The following SH3TC2 variants were observed in gnomAD, a reference collection of about 807,000 sequenced individuals.
SH3TC2 encodes the protein SH3 domain and tetratricopeptide repeats 2.
A neutral mutation model predicts 124.5 loss-of-function variants in SH3TC2; 87 were observed. The ratio of observed to expected loss-of-function variants is 0.70; its 90% CI spans 0.59 to 0.84. SH3TC2 has a LOEUF of 0.84. Among genes scored for constraint, SH3TC2 ranks in the 40% least tolerant of loss-of-function variants. SH3TC2 has a pLI of 0.00. For missense variants in SH3TC2, 1,536 were observed against 1,566.4 expected, an observed-to-expected ratio of 0.98 and a Z score of 0.33; for synonymous variants, 634 against 628.5, an observed-to-expected ratio of 1.01 and a Z score of -0.13.
intron 12 of SH3TC2, among the ~76,000 whole-genome samples, chr5:149,013,007 C>T (rs1203372697): frequency 1.3e-5 from 2 of 152,172 alleles, no homozygotes; most frequent in African/African-American, 4.8e-5. Context: ...TGAGATACAA[C>T]TAAGTGCTTA....
At chr5:149,039,622 G>T (rs1169429210) in intron 7 of SH3TC2, among the ~76,000 whole-genome samples, 2 of 152,230 alleles carry the variant, frequency 1.3e-5, no homozygotes, top group Non-Finnish European at 2.9e-5. Context: ...TGTGCAAAGT[G>T]ATTTATGGAT....
In SH3TC2 at chr5:148,984,623, G is replaced by A. The variant is rs1753303987; in HGVS notation, c.*20088C>T. Among the ~76,000 whole-genome samples, 8 of 152,154 alleles carry A rather than the reference G, an allele frequency of 5.3e-5. No individual in the cohort carries two copies. The South Asian group carries it at 1.7e-3, about 32-fold the overall frequency. On this transcript the variant is annotated 3_prime_UTR_variant, in exon 17 of 17. Transcript: ENST00000515425. ...AGGCAATGCTTCATATATCTCCAAG[G>A]TTGGTCTTTCAGGTTGGCATATAGG...
chr5:148,986,082 C>T lies in SH3TC2; in HGVS notation c.*18629G>A, dbSNP rs936184277. ...ATTAGTTCAACTTCTTTAAGTAAGG[C>T]TGTTTTGATCCAATTATAATCAATT... On this transcript the variant is annotated 3_prime_UTR_variant, in exon 17 of 17. Transcript: ENST00000515425. Among the ~76,000 whole-genome samples the T allele has an allele frequency of 2.6e-5, 4 of 152,140 alleles. No homozygotes were observed. The highest frequency in any genetic ancestry group is 5.9e-5 in the Non-Finnish European group (4 of 68,014).
At position 149,003,003 on chromosome 5, in the gene SH3TC2, T is replaced by C. The variant is rs10058190; in HGVS notation, c.*1708A>G. ...TCCAGAGATTCTGATTCAGAGATCA[T>C]AGGTGGGGCCACAGATTTTCATTTC... On this transcript the variant is annotated 3_prime_UTR_variant, in exon 17 of 17. Coordinates refer to ENST00000515425, the MANE Select transcript of SH3TC2 (RefSeq NM_024577.4). The C allele has an allele frequency of 6.1e-4, 94 of 152,958 alleles. No individual in the cohort carries two copies. The highest frequency in any genetic ancestry group is 2.1e-3 in the African/African-American group (89 of 41,578). The allele number at this position is 152,958 out of a possible 1,614,324, so 9.5% of individuals were successfully genotyped here.
chr5:149,019,459 A>G (rs1178010156), intron 12 of SH3TC2, among the ~76,000 whole-genome samples: 1 of 152,160 alleles, frequency 6.6e-6, no homozygotes, highest in East Asian at 1.9e-4. Context: ...CTTCCATTCA[A>G]TATCACTTAT....
chr5:149,039,920 T>A (rs1424698538), intron 7 of SH3TC2, among the ~76,000 whole-genome samples: 1 of 152,182 alleles, frequency 6.6e-6, no homozygotes, highest in Admixed American at 6.5e-5. Flanking sequence ...TCAGCACTTA[T>A]AAAATTGTAC....
At chr5:149,006,821 G>T in intron 16 of SH3TC2, 60 bp downstream of exon 16, 2 of 1,538,678 alleles carry the variant, frequency 1.3e-6, no homozygotes, top group Non-Finnish European at 1.8e-6. Context: ...TTGTCTTTGA[G>T]TCAGGAAGGA....
intron 12 of SH3TC2, among the ~76,000 whole-genome samples, chr5:149,021,548 G>T (rs573764999): frequency 6.6e-6 from 1 of 151,900 alleles, no homozygotes; most frequent in African/African-American, 2.4e-5. Flanking sequence ...AATAAAAAGA[G>T]AGAAGAGTCT....
intron 9 of SH3TC2, among the ~76,000 whole-genome samples, chr5:149,030,763 G>A (rs1009548636): frequency 6.6e-6 from 1 of 152,224 alleles, no homozygotes; most frequent in Non-Finnish European, 1.5e-5. Flanking sequence ...ATAAAATATG[G>A]ATCATCTAAT....
Position 149,044,559 on chromosome 5 carries a change from C to A in SH3TC2, c.359G>T (p.Trp120Leu), listed in dbSNP as rs763075325. 3.7e-6 allele frequency: 6 copies of A among 1,613,906 alleles called. No individual in the cohort carries two copies. The highest frequency in any genetic ancestry group is 5.1e-6 in the Non-Finnish European group (6 of 1,179,892). Residue 120 changes from tryptophan to leucine, a missense_variant, in exon 4 of 17, where the codon TGG (tryptophan) becomes TTG (leucine). By Grantham distance (61) the Trp-to-Leu change is moderately conservative. Around this residue, in one of 3 missense-constraint regions of SH3TC2, gnomAD observed 1,102 missense variants for 1,098.6 expected, o/e 1.00. Transcript: ENST00000515425. ...LITFKTMEEI[W>L]KFSTYLNLGY... Reference sequence around the variant, plus strand: ...TAAATTAAGGTAGGTGGAGAACTTCCAGATTTCCTCCATGGTCTTGAAGGT... The same window carrying A: ...TAAATTAAGGTAGGTGGAGAACTTCAAGATTTCCTCCATGGTCTTGAAGGT...
chr5:149,015,654 A>G (rs1753859063), intron 12 of SH3TC2, among the ~76,000 whole-genome samples: 1 of 152,124 alleles, frequency 6.6e-6, no homozygotes, highest in Non-Finnish European at 1.5e-5. Context: ...CCCTGCCTGA[A>G]CATCAGCCAT....
chr5:149,000,203 C>A lies in SH3TC2; in HGVS notation c.*4508G>T, dbSNP rs1753575605. ...TATCATTTGCCCCTTTCCTGTCACC[C>A]AGCTGAATCCCCACTTCCCTGAAAT... is the stretch of plus-strand genomic sequence containing the variant. On this transcript the variant is annotated 3_prime_UTR_variant, in exon 17 of 17. Coordinates refer to ENST00000515425, the MANE Select transcript of SH3TC2 (RefSeq NM_024577.4). 6.6e-6 allele frequency among the ~76,000 whole-genome samples: 1 copy of A among 152,174 alleles called. No homozygotes were observed. The highest frequency in any genetic ancestry group is 2.1e-4 in the South Asian group (1 of 4,832).
chr5:148,994,521 A>T lies in SH3TC2; in HGVS notation c.*10190T>A, dbSNP rs1014828509. Among the ~76,000 whole-genome samples the T allele has an allele frequency of 6.6e-6, 1 of 152,072 alleles. No homozygotes were observed. The highest frequency in any genetic ancestry group is 1.9e-4 in the East Asian group (1 of 5,194). On this transcript the variant is annotated 3_prime_UTR_variant, in exon 17 of 17. Transcript: ENST00000515425. Reference sequence around the variant, plus strand: ...TCATTATCTTGCTCACTGGATTGTGAGTTTAGCACATGAGAGGTGTTGAAT... The same window carrying T: ...TCATTATCTTGCTCACTGGATTGTGTGTTTAGCACATGAGAGGTGTTGAAT...
intron 15 of SH3TC2, chr5:149,008,505 C>T (rs972699167): frequency 5.4e-6 from 2 of 370,238 alleles, no homozygotes; most frequent in African/African-American, 4.1e-5. Context: ...TTACTTTACA[C>T]TTGGGGAACA....
At chr5:149,050,043 T>A (rs1024037390) in intron 2 of SH3TC2, among the ~76,000 whole-genome samples, 9 of 152,142 alleles carry the variant, frequency 5.9e-5, no homozygotes, top group African/African-American at 1.9e-4. Context: ...AAATCCCCCA[T>A]TCGTAGCCCC....
At position 148,987,876 on chromosome 5, in the gene SH3TC2, C is replaced by T. The variant is rs1753359292; in HGVS notation, c.*16835G>A. ...GTGTGTTCTTTAGATCATGAAACTT[C>T]TCATCTGAAAATCTCCACTCTGTGG... On this transcript the variant is annotated 3_prime_UTR_variant, in exon 17 of 17. Coordinates refer to ENST00000515425, the MANE Select transcript of SH3TC2 (RefSeq NM_024577.4). Among the ~76,000 whole-genome samples, 2 of 149,244 alleles carry T rather than the reference C, an allele frequency of 1.3e-5. No homozygotes were observed. The highest frequency in any genetic ancestry group is 4.3e-4 in the South Asian group (2 of 4,682).
At chr5:149,058,858 G>A (rs560220608) in intron 1 of SH3TC2, among the ~76,000 whole-genome samples, 18 of 152,200 alleles carry the variant, frequency 1.2e-4, no homozygotes, top group Non-Finnish European at 2.2e-4. Context: ...CTTGAGCATG[G>A]CAATGGCATA....
rs550973472 is a variant in SH3TC2 at position 148,983,091 on chromosome 5, C to T, written c.*21620G>A. On this transcript the variant is annotated 3_prime_UTR_variant, in exon 17 of 17. Transcript: ENST00000515425. ...GAGAACTAGCAGGTGTTTTAAATACCTCCTGCTAGTCTCACCTTCTGGGAT... is the reference window on the plus strand; with the variant it reads ...GAGAACTAGCAGGTGTTTTAAATACTTCCTGCTAGTCTCACCTTCTGGGAT... Among the ~76,000 whole-genome samples the T allele has an allele frequency of 6.6e-6, 1 of 152,318 alleles. No homozygotes were observed. Among genetic ancestry groups the T allele is most frequent in the East Asian group, 1.9e-4 (1 of 5,184 alleles).
intron 1 of SH3TC2, among the ~76,000 whole-genome samples, chr5:149,060,279 C>T (rs547379974): frequency 1.3e-5 from 2 of 152,292 alleles, no homozygotes; most frequent in South Asian, 4.1e-4. Context: ...GCAACTGTAG[C>T]TTATTAAGCA....
Sources: gnomAD v4.1 joint callset for allele counts (sites outside exome capture counted in the v4.1 genomes callset) on GRCh38, gnomAD v4.1.1 for gene constraint, gnomAD v4.1.1 regional missense constraint, MANE v1.5 for transcripts, NCBI Gene and HGNC (gene_info 2026-07-23, HGNC 2026-07-21) for gene names.